The following HK1 variants were observed in gnomAD, a reference collection of about 807,000 sequenced individuals.
HK1 encodes hexokinase 1.
A neutral mutation model predicts 91.6 loss-of-function variants in HK1; 28 were observed. That is an observed-to-expected ratio of 0.31 (90% CI 0.23 to 0.42). The LOEUF is 0.42. Ranked by LOEUF, HK1 falls within the 10% of genes least tolerant of loss-of-function variation. The pLI is 1.00. For synonymous variants in HK1, 430 were observed against 468.1 expected, an observed-to-expected ratio of 0.92 and a Z score of 1.05; for missense variants, 770 against 1,219.8, an observed-to-expected ratio of 0.63 and a Z score of 5.49.
chr10:69,302,543 G>A lies in HK1; in HGVS notation c.27+1682G>A, dbSNP rs147240838. On this transcript the variant is annotated intron_variant, in intron 5 of 21. Coordinates refer to the HK1 transcript ENST00000360289. Reference sequence around the variant, plus strand: ...CAAAGATGTGAAAACAATTCAATGGGGAAAGAAAAGCCTTTCAACAGATGG... The same window carrying A: ...CAAAGATGTGAAAACAATTCAATGGAGAAAGAAAAGCCTTTCAACAGATGG... 3.9e-3 allele frequency among the ~76,000 whole-genome samples: 595 copies of A among 151,386 alleles called. 3 individuals carry two copies. The highest frequency in any genetic ancestry group is 0.014 in the African/African-American group (572 of 41,314).
intron 4 of HK1, among the ~76,000 whole-genome samples, chr10:69,365,371 G>A (rs566917358): frequency 6.6e-6 from 1 of 152,238 alleles, no homozygotes; most frequent in South Asian, 2.1e-4. Flanking sequence ...GGCGACCTCC[G>A]AGGTGACTTG....
chr10:69,299,683 A>C (rs113139463), intron 4 of HK1, among the ~76,000 whole-genome samples: 3,116 of 146,546 alleles, frequency 0.021, 183 homozygotes, highest in African/African-American at 0.076. Context: ...TTTTTTTGAG[A>C]TGGAGTCTCA....
At chr10:69,375,980 G>A (rs1839081323) in intron 7 of HK1, among the ~76,000 whole-genome samples, 1 of 152,216 alleles carries the variant, frequency 6.6e-6, no homozygotes, top group African/African-American at 2.4e-5. Flanking sequence ...AGTATGCAGA[G>A]CCCAGCCCTG....
chr10:69,319,634 T>A (rs1846891828), intron 1 of HK1, among the ~76,000 whole-genome samples: 2 of 152,252 alleles, frequency 1.3e-5, no homozygotes, highest in Non-Finnish European at 2.9e-5. Flanking sequence ...TGAATGGAAT[T>A]TTTTATTCCT....
chr10:69,322,755 T>TG (rs993634265), intron 1 of HK1, among the ~76,000 whole-genome samples: 45 of 151,630 alleles, frequency 3.0e-4, no homozygotes, highest in African/African-American at 1.0e-3. Context: ...CTGGGTGTGG[T>TG]GGCGCATGCC....
At chr10:69,295,671 T>C (rs772368338) in exon 4 of HK1, 38 of 1,601,642 alleles carry the variant, frequency 2.4e-5, no homozygotes, top group Non-Finnish European at 3.3e-5. Flanking sequence ...ATCTACTTGC[T>C]GAAAGTGAGG....
At chr10:69,291,124 C>T (rs1845280337) in intron 3 of HK1, among the ~76,000 whole-genome samples, 1 of 152,234 alleles carries the variant, frequency 6.6e-6, no homozygotes, top group Non-Finnish European at 1.5e-5. Flanking sequence ...CTGGCTTTGC[C>T]AGTCCCAGGC....
At chr10:69,272,730 T>C (rs1844230150) in intron 1 of HK1, among the ~76,000 whole-genome samples, 1 of 151,940 alleles carries the variant, frequency 6.6e-6, no homozygotes, top group African/African-American at 2.4e-5. Context: ...CATTTAACTA[T>C]AATGTGCTTG....
chr10:69,364,675 T>C (rs888557276), intron 3 of HK1, 108 bp from the exon 4 acceptor site: 1 of 1,370,158 alleles, frequency 7.3e-7, no homozygotes, highest in Non-Finnish European at 1.0e-6. Flanking sequence ...GCACTTTGTT[T>C]GGGTAGATGT....
chr10:69,342,897 C>T (rs1230189497), intron 1 of HK1, among the ~76,000 whole-genome samples: 1 of 152,112 alleles, frequency 6.6e-6, no homozygotes, highest in East Asian at 1.9e-4. Context: ...GCGAAGATGC[C>T]ATGAAGGACA....
intron 2 of HK1, among the ~76,000 whole-genome samples, chr10:69,352,423 A>G (rs950816028): frequency 2.0e-5 from 3 of 152,204 alleles, no homozygotes; most frequent in Non-Finnish European, 2.9e-5. Context: ...CACCAAATCT[A>G]TGACACCTGC....
intron 9 of HK1, among the ~76,000 whole-genome samples, chr10:69,381,361 T>A (rs566292037): frequency 1.3e-5 from 2 of 152,332 alleles, no homozygotes; most frequent in East Asian, 1.9e-4. Context: ...ATTGTATTTT[T>A]AAAATATTTT....
intron 8 of HK1, among the ~76,000 whole-genome samples, chr10:69,378,842 T>G (rs776571701): frequency 3.3e-5 from 5 of 152,246 alleles, no homozygotes; most frequent in Non-Finnish European, 7.3e-5. Flanking sequence ...TACCTTAACA[T>G]CCCAAGCTTC....
intron 5 of HK1, among the ~76,000 whole-genome samples, chr10:69,310,386 A>C (rs1043506267): frequency 2.0e-5 from 3 of 150,450 alleles, no homozygotes; most frequent in Non-Finnish European, 4.4e-5. Context: ...GTGCCACTGA[A>C]CTGCAACCTG....
At chr10:69,293,935 C>T (rs574562033) in intron 3 of HK1, among the ~76,000 whole-genome samples, 1 of 145,902 alleles carries the variant, frequency 6.9e-6, no homozygotes, top group South Asian at 2.2e-4. Flanking sequence ...GATCTCGGCT[C>T]ACTGCAAGCT....
intron 1 of HK1, among the ~76,000 whole-genome samples, chr10:69,342,002 G>T (rs1033931239): frequency 2.1e-4 from 32 of 152,046 alleles, no homozygotes; most frequent in African/African-American, 5.8e-4. Flanking sequence ...ACAAAAATTA[G>T]CAGGGCGTGG....
chr10:69,375,919 T>TGTCATCCCC (rs1839077567), intron 7 of HK1, among the ~76,000 whole-genome samples: 1 of 152,202 alleles, frequency 6.6e-6, no homozygotes, highest in Non-Finnish European at 1.5e-5. Context: ...ATTCTGTCAT[T>TGTCATCCCC]GGTCGGTGCT....
At chr10:69,273,696 ATT>A (rs931482922) in intron 1 of HK1, among the ~76,000 whole-genome samples, 1 of 152,048 alleles carries the variant, frequency 6.6e-6, no homozygotes, top group South Asian at 2.1e-4. Flanking sequence ...TCAGTGACAG[ATT>A]TTTTTTCTGC....
chr10:69,274,788 C>T (rs1168890299), intron 1 of HK1, among the ~76,000 whole-genome samples: 1 of 151,976 alleles, frequency 6.6e-6, no homozygotes, highest in South Asian at 2.1e-4. Context: ...TGGGGAAAAC[C>T]AGCTATGCAT....
Sources: allele counts gnomAD v4.1 joint callset (sites outside exome capture counted in the v4.1 genomes callset), GRCh38; gene constraint gnomAD v4.1.1; transcripts MANE v1.5; gene names NCBI Gene and HGNC (gene_info 2026-07-23, HGNC 2026-07-21).